The following HIVEP2 variants were observed in gnomAD, a reference collection of about 807,000 sequenced individuals.
HIVEP2 encodes the protein transcription factor HIVEP2.
HIVEP2 carries 14 observed loss-of-function variants against 180.7 expected under a neutral mutation model. The ratio of observed to expected loss-of-function variants is 0.08; its 90% CI spans 0.05 to 0.12. HIVEP2 has a LOEUF of 0.12. HIVEP2 is among the 10% of genes least tolerant of loss of function. The pLI is 1.00. For synonymous variants in HIVEP2, 1,184 were observed against 1,136.4 expected, an observed-to-expected ratio of 1.04 and a Z score of -0.84; for missense variants, 2,579 against 3,008.5, an observed-to-expected ratio of 0.86 and a Z score of 3.34.
Position 142,793,642 on chromosome 6 carries a change from TTC to T in HIVEP2, c.-527-10029_-527-10028del, listed in dbSNP as rs1491318915. 2.0e-3 allele frequency among the ~76,000 whole-genome samples: 87 copies of T among 43,858 alleles called. 1 individual carries two copies. The highest frequency in any genetic ancestry group is 4.6e-3 in the African/African-American group (77 of 16,784). The allele number at this position is 43,858 out of a possible 152,430, so 28.8% of individuals were successfully genotyped here. A position where few individuals can be genotyped will look rare whatever the true frequency, so the allele number is the denominator to read the frequency against. ...TCCTTCTCTTTCTTTCTTTCTTTCTTTCTTTCTTTCTTTCTTTTTTCTTTCTT... is the reference window on the plus strand; with the variant it reads ...TCCTTCTCTTTCTTTCTTTCTTTCTTTTTCTTTCTTTCTTTTTTCTTTCTT... On this transcript the variant is annotated intron_variant, in intron 2 of 9. Coordinates refer to ENST00000367603, the MANE Select transcript of HIVEP2 (RefSeq NM_006734.4).
chr6:142,777,512 G>C (rs1023393638), intron 3 of HIVEP2, among the ~76,000 whole-genome samples: 4 of 151,756 alleles, frequency 2.6e-5, no homozygotes, highest in African/African-American at 9.7e-5. Flanking sequence ...GCCAGGCGTG[G>C]TGGTGCATGC....
chr6:142,815,380 G>A (rs1489838005), intron 2 of HIVEP2, among the ~76,000 whole-genome samples: 1 of 152,114 alleles, frequency 6.6e-6, no homozygotes, highest in Non-Finnish European at 1.5e-5. Flanking sequence ...GAAATCCAAG[G>A]GAGTAGAATA....
Position 142,772,848 on chromosome 6 carries a change from C to A in HIVEP2, c.1891G>T (p.Gly631Trp). 2 of 1,614,180 alleles carry A rather than the reference C, an allele frequency of 1.2e-6. No homozygotes were observed. Among genetic ancestry groups the A allele is most frequent in the Non-Finnish European group, 1.7e-6 (2 of 1,180,030 alleles). The change falls in exon 5 of 10, where the codon GGG (glycine) becomes TGG (tryptophan). Residue 631 changes from glycine (G) to tryptophan (W), a missense_variant. By Grantham distance (184) the Gly-to-Trp change is radical. Transcript: ENST00000367603. The surrounding 1 kb of genome is among the most constrained non-coding windows in gnomAD (Gnocchi z 4.9). ...TCATAGTCATACCCAACCCTGTCCC[C>A]AGGAGACAATTTCTTTTCCTTCAGG... is the stretch of plus-strand genomic sequence containing the variant. ...SSLKEKKLSP[G>W]DRVGYDYDVC...
chr6:142,820,098 C>G (rs1321852970), intron 2 of HIVEP2, among the ~76,000 whole-genome samples: 1 of 152,148 alleles, frequency 6.6e-6, no homozygotes, highest in Non-Finnish European at 1.5e-5. Context: ...CATACCACTT[C>G]CCCTATAGAA....
intron 2 of HIVEP2, among the ~76,000 whole-genome samples, chr6:142,814,954 C>G (rs1332593164): frequency 6.6e-6 from 1 of 151,944 alleles, no homozygotes; most frequent in Non-Finnish European, 1.5e-5. Context: ...ATTTTTTGCT[C>G]ATGGTTCTGG....
At chr6:142,914,725 T>C (rs556947279) in intron 1 of HIVEP2, among the ~76,000 whole-genome samples, 1 of 152,320 alleles carries the variant, frequency 6.6e-6, no homozygotes, top group East Asian at 1.9e-4. Flanking sequence ...AAAAGTCTCT[T>C]CATCAAACAT....
In HIVEP2 at chr6:142,753,608, C is replaced by T. The variant is rs1169258769; in HGVS notation, c.6840G>A (p.Lys2280=). ...SFSKDPYVLS[K]QHEKRGPHAL... ...CGTGAGGACCTCGCTTCTCATGCTGCTTAGAAAGCACATAGGGGTCCTTGG... is the reference window on the plus strand; with the variant it reads ...CGTGAGGACCTCGCTTCTCATGCTGTTTAGAAAGCACATAGGGGTCCTTGG... The change falls in exon 10 of 10, where the codon AAG becomes AAA. Residue 2280 remains lysine (K), a synonymous_variant. Transcript: ENST00000367603. 3 of 1,614,176 alleles carry T rather than the reference C, an allele frequency of 1.9e-6. No individual in the cohort carries two copies. Among genetic ancestry groups the T allele is most frequent in the Admixed American group, 1.7e-5 (1 of 60,026 alleles).
chr6:142,815,529 C>T (rs1255866045), intron 2 of HIVEP2, among the ~76,000 whole-genome samples: 1 of 152,142 alleles, frequency 6.6e-6, no homozygotes, highest in Admixed American at 6.5e-5. Context: ...GATGTTAAAA[C>T]CAGATTCCAT....
intron 1 of HIVEP2, among the ~76,000 whole-genome samples, chr6:142,872,299 T>C (rs954156438): frequency 2.6e-5 from 4 of 152,142 alleles, no homozygotes; most frequent in African/African-American, 9.7e-5. Context: ...CTGAATAACA[T>C]AAGGATGTCC....
At chr6:142,821,781 G>A (rs183722618) in intron 2 of HIVEP2, among the ~76,000 whole-genome samples, 156 of 152,254 alleles carry the variant, frequency 1.0e-3, no homozygotes, top group Non-Finnish European at 1.9e-3. Flanking sequence ...ACTAGGTCAA[G>A]CAATCAAGGC....
At chr6:142,904,758 A>G (rs1777221468) in intron 1 of HIVEP2, among the ~76,000 whole-genome samples, 1 of 152,164 alleles carries the variant, frequency 6.6e-6, no homozygotes, top group Non-Finnish European at 1.5e-5. Context: ...ACCATAACCT[A>G]TATTACTCAG....
intron 1 of HIVEP2, among the ~76,000 whole-genome samples, chr6:142,905,328 A>G (rs1419592341): frequency 3.9e-5 from 6 of 152,222 alleles, no homozygotes; most frequent in Admixed American, 3.9e-4. Context: ...TGTTTACACA[A>G]TAAGATCTGA....
chr6:142,816,047 C>T (rs555808068), intron 2 of HIVEP2, among the ~76,000 whole-genome samples: 6 of 152,218 alleles, frequency 3.9e-5, no homozygotes, highest in African/African-American at 1.2e-4. Flanking sequence ...ACAAAGCATG[C>T]AGGTGAAAAT....
intron 3 of HIVEP2, among the ~76,000 whole-genome samples, chr6:142,781,928 T>A (rs2114689734): frequency 6.6e-6 from 1 of 152,286 alleles, no homozygotes; most frequent in Non-Finnish European, 1.5e-5. Context: ...CAATCTGGGA[T>A]CTTTTGCTTA....
intron 2 of HIVEP2, among the ~76,000 whole-genome samples, chr6:142,809,361 C>T (rs949319767): frequency 6.6e-6 from 1 of 152,132 alleles, no homozygotes; most frequent in African/African-American, 2.4e-5. Context: ...CCCTCCCTCT[C>T]CTCACTCTTG....
chr6:142,829,611 C>T (rs150169849), intron 2 of HIVEP2, among the ~76,000 whole-genome samples: 4 of 152,366 alleles, frequency 2.6e-5, no homozygotes, highest in African/African-American at 9.6e-5. Flanking sequence ...GAAATGCAGA[C>T]TTACTCATCA....
At chr6:142,845,300 T>C (rs1212282340) in intron 1 of HIVEP2, among the ~76,000 whole-genome samples, 4 of 152,172 alleles carry the variant, frequency 2.6e-5, no homozygotes, top group Non-Finnish European at 4.4e-5. Flanking sequence ...TCATAGACAC[T>C]AGAAGCAGAT....
chr6:142,854,115 T>C (rs537657910), intron 1 of HIVEP2, among the ~76,000 whole-genome samples: 1 of 152,328 alleles, frequency 6.6e-6, no homozygotes, highest in South Asian at 2.1e-4. Context: ...TTCAGGCTGG[T>C]GGCTGTGCCA....
intron 2 of HIVEP2, among the ~76,000 whole-genome samples, chr6:142,795,791 A>C (rs1360959553): frequency 6.6e-6 from 1 of 152,158 alleles, no homozygotes; most frequent in Non-Finnish European, 1.5e-5. Context: ...AGGTTAAGCA[A>C]TTGTCAAAGA....
Sources: allele counts gnomAD v4.1 joint callset (sites outside exome capture counted in the v4.1 genomes callset), GRCh38; gene constraint gnomAD v4.1.1; non-coding constraint Gnocchi (gnomAD v3.1); transcripts MANE v1.5; gene names NCBI Gene and HGNC (gene_info 2026-07-23, HGNC 2026-07-21).